The following TRIM16 variants were observed in gnomAD, a reference collection of about 807,000 sequenced individuals.
The protein encoded by TRIM16 is tripartite motif-containing protein 16.
Under a neutral mutation model 50.4 loss-of-function variants are expected in TRIM16, and 33 were observed. That is an observed-to-expected ratio of 0.65 (90% CI 0.50 to 0.88). The LOEUF (loss-of-function observed/expected upper bound fraction) is 0.88. Ranked by LOEUF, TRIM16 falls within the 40% of genes least tolerant of loss-of-function variation. The pLI, the probability that TRIM16 is intolerant of heterozygous loss-of-function variation, is 0.00. For missense variants in TRIM16, 581 were observed against 686.8 expected, an observed-to-expected ratio of 0.85 and a Z score of 1.72; for synonymous variants, 229 against 270.7, an observed-to-expected ratio of 0.85 and a Z score of 1.51.
rs186979230 is a variant in TRIM16 at position 15,655,764 on chromosome 17, C to T, written c.-337-3818G>A. ...TAATTTTTTGTATTTTTAGTAGAGA[C>T]GGGGTTTCACCGTGTTAGCCAGGAT... On this transcript the variant is annotated intron_variant, in intron 6 of 11. Coordinates refer to ENST00000649191, the MANE Select transcript of TRIM16 (RefSeq NM_001348119.1). Among the ~76,000 whole-genome samples, 147 of 152,180 alleles carry T rather than the reference C, an allele frequency of 9.7e-4. 1 individual carries two copies. In the East Asian group the frequency reaches 0.016, roughly 17 times the overall value.
chr17:15,678,878 C>CTT (rs55929822), intron 4 of TRIM16, among the ~76,000 whole-genome samples: 28,645 of 74,724 alleles, frequency 0.38, 3,652 homozygotes, highest in South Asian at 0.42. Flanking sequence ...GCAGACTCTC[C>CTT]TTTTTTTTTT....
intron 9 of TRIM16, among the ~76,000 whole-genome samples, chr17:15,634,409 CACCT>C: frequency 6.8e-6 from 1 of 147,776 alleles, no homozygotes; most frequent in Admixed American, 6.7e-5. Context: ...GCGGGCAGAT[CACCT>C]AAGGTTGGGA....
intron 11 of TRIM16, 53 bp from the exon 12 acceptor site, chr17:15,629,251 G>T: frequency 7.2e-7 from 1 of 1,396,436 alleles, no homozygotes; most frequent in Non-Finnish European, 9.7e-7. Flanking sequence ...AGCTGATTCA[G>T]ACAGAATGCT....
At chr17:15,678,704 G>T (rs58586558) in intron 4 of TRIM16, among the ~76,000 whole-genome samples, 3,694 of 152,214 alleles carry the variant, frequency 0.024, 160 homozygotes, top group African/African-American at 0.084. Context: ...TATATTTTGG[G>T]TCTATTGGTT....
At position 15,651,851 on chromosome 17, in the gene TRIM16, G is replaced by A. The variant is rs1684272854; in HGVS notation, c.-242C>T. On this transcript the variant is annotated 5_prime_UTR_variant, in exon 7 of 12. Transcript: ENST00000649191. ...CTCAGGACAGCCGGCTCAGGCTCAG[G>A]CTGCCTCCCCAGGTCCAGCCCTGAA... The A allele has an allele frequency of 6.3e-6, 9 of 1,422,226 alleles. No homozygotes were observed. Among genetic ancestry groups the A allele is most frequent in the Admixed American group, 2.9e-5 (1 of 34,584 alleles). The allele number at this position is 1,422,226 out of a possible 1,614,324, so 88.1% of individuals were successfully genotyped here. A position where few individuals can be genotyped will look rare whatever the true frequency, so the allele number is the denominator to read the frequency against.
chr17:15,658,812 A>G lies in TRIM16; in HGVS notation c.-337-6866T>C, dbSNP rs549237996. 68 of 985,436 alleles carry G rather than the reference A, an allele frequency of 6.9e-5. No homozygotes were observed. In the African/African-American group the frequency reaches 1.1e-3, roughly 16 times the overall value. The allele number at this position is 985,436 out of a possible 1,614,324, so 61.0% of individuals were successfully genotyped here. The stretch of plus-strand genomic sequence containing the variant: ...ATTTTACTGGCTTACCTGGAGGTGC[A>G]GGCCCAATGAACTTTCTGGTTTGGG... On this transcript the variant is annotated intron_variant, in intron 6 of 11. Coordinates refer to ENST00000649191, the MANE Select transcript of TRIM16 (RefSeq NM_001348119.1).
intron 6 of TRIM16, among the ~76,000 whole-genome samples, chr17:15,656,687 C>A (rs1434166743): frequency 6.6e-6 from 1 of 152,192 alleles, no homozygotes; most frequent in Non-Finnish European, 1.5e-5. Flanking sequence ...CCCCCTCTAC[C>A]CCAGCTCTGT....
Position 15,631,670 on chromosome 17 carries a change from T to A in TRIM16, c.1060A>T (p.Lys354Ter). ...GGCTCAGGTTTGGAAGTCCAATATT[T>A]GCGCTGAACAACGGCAGACACTTGA... ...RTQVSAVVQR[K>*]YWTSKPEPST... Residue 354 changes from lysine to a stop codon, truncating the protein, a stop_gained, in exon 11 of 12, where the codon AAA (lysine) becomes TAA (stop). Transcript: ENST00000649191. LOFTEE classifies it high-confidence loss of function. The A allele has an allele frequency of 6.2e-7, 1 of 1,613,930 alleles. No individual in the cohort carries two copies. The highest frequency in any genetic ancestry group is 8.5e-7 in the Non-Finnish European group (1 of 1,179,868).
intron 6 of TRIM16, among the ~76,000 whole-genome samples, chr17:15,665,970 A>G (rs1248933876): frequency 7.2e-5 from 11 of 152,094 alleles, no homozygotes; most frequent in African/African-American, 2.4e-5. Context: ...GATTGCCACC[A>G]GCACCCAACT....
At chr17:15,668,783 C>T (rs1032458546) in intron 6 of TRIM16, among the ~76,000 whole-genome samples, 20 of 152,212 alleles carry the variant, frequency 1.3e-4, no homozygotes, top group Non-Finnish European at 8.8e-5. Flanking sequence ...GATTCATATA[C>T]GTATATATTT....
At chr17:15,666,673 C>T (rs1157361775) in intron 6 of TRIM16, among the ~76,000 whole-genome samples, 1 of 152,246 alleles carries the variant, frequency 6.6e-6, no homozygotes, top group African/African-American at 2.4e-5. Context: ...ATAGTAGGCA[C>T]TATTGTGTCT....
intron 8 of TRIM16, among the ~76,000 whole-genome samples, chr17:15,637,173 G>C (rs1255633683): frequency 4.8e-5 from 7 of 145,952 alleles, no homozygotes; most frequent in Non-Finnish European, 1.1e-4. Context: ...GGGAGGTGGG[G>C]GGGTCAGCCC....
chr17:15,648,110 C>T (rs1361068768), intron 7 of TRIM16, among the ~76,000 whole-genome samples: 3 of 151,814 alleles, frequency 2.0e-5, no homozygotes, highest in African/African-American at 7.3e-5. Flanking sequence ...CCTGTAGTCC[C>T]AGCTACTCGG....
At chr17:15,669,538 G>A (rs978611837) in intron 6 of TRIM16, among the ~76,000 whole-genome samples, 2 of 152,084 alleles carry the variant, frequency 1.3e-5, no homozygotes, top group African/African-American at 2.4e-5. Flanking sequence ...TTTCAAGGGG[G>A]AACTCAGGAA....
rs1250717361 is a variant in TRIM16 at position 15,642,819 on chromosome 17, A to G, written c.520-3T>C. On this transcript the variant is annotated splice_region_variant and splice_polypyrimidine_tract_variant and intron_variant, in intron 7 of 11. Transcript: ENST00000649191. ...AACTGGGTGCACTGGAGTTCAGCCT[A>G]AAAGTGGAAAGCAGAGAATTAAGGA... 5 of 659,366 alleles carry G rather than the reference A, an allele frequency of 7.6e-6. 1 individual carries two copies. In the East Asian group the frequency reaches 1.8e-4, roughly 24 times the overall value. The allele number at this position is 659,366 out of a possible 1,614,324, so 40.8% of individuals were successfully genotyped here.
At chr17:15,648,549 T>G (rs575723811) in intron 7 of TRIM16, among the ~76,000 whole-genome samples, 1 of 152,312 alleles carries the variant, frequency 6.6e-6, no homozygotes, top group African/African-American at 2.4e-5. Context: ...TGCAGTTTCC[T>G]ATACACAGCA....
chr17:15,656,156 G>T (rs567077556), intron 6 of TRIM16, among the ~76,000 whole-genome samples: 369 of 152,166 alleles, frequency 2.4e-3, no homozygotes, highest in African/African-American at 8.6e-3. Context: ...AACCCTCAAA[G>T]CAGAACACCA....
chr17:15,653,830 C>T (rs567578896), intron 6 of TRIM16, among the ~76,000 whole-genome samples: 8 of 152,260 alleles, frequency 5.3e-5, no homozygotes, highest in African/African-American at 1.7e-4. Flanking sequence ...GACCCCTGGA[C>T]GGGGGTACAC....
Position 15,651,302 on chromosome 17 carries a change from T to A in TRIM16, c.308A>T (p.Glu103Val), listed in dbSNP as rs1203107545. Residue 103 changes from glutamate (E) to valine (V), a missense_variant, in exon 7 of 12, where the codon GAG (glutamate) becomes GTG (valine). Transcript: ENST00000649191. ...GTTCACCTGATGCGGCTGCAAGTGC[T>A]CTTCACAGTAATTCACCATGCAGGT... ...CLTCMVNYCE[E>V]HLQPHQVNIK... 1 of 1,614,128 alleles carries A rather than the reference T, an allele frequency of 6.2e-7. No individual in the cohort carries two copies. The highest frequency in any genetic ancestry group is 1.3e-5 in the African/African-American group (1 of 74,936).
Sources: allele counts gnomAD v4.1 joint callset (sites outside exome capture counted in the v4.1 genomes callset), GRCh38; gene constraint gnomAD v4.1.1; transcripts MANE v1.5; gene names NCBI Gene and HGNC (gene_info 2026-07-23, HGNC 2026-07-21).